The following STK24 variants were observed in gnomAD, a reference collection of about 807,000 sequenced individuals.
STK24 encodes serine/threonine kinase 24, also known as serine/threonine-protein kinase 24.
STK24 carries 21 observed loss-of-function variants against 55.6 expected under a neutral mutation model. The observed-to-expected ratio is 0.38, with a 90% CI of 0.27 to 0.54. STK24 has a LOEUF of 0.54. STK24 is among the 20% of genes least tolerant of loss of function. The probability of loss-of-function intolerance (pLI) is 0.79; values close to 1 mark genes in which losing one functional copy is unlikely to be tolerated. For missense variants in STK24, 383 were observed against 538.4 expected (o/e 0.71, Z 2.86); for synonymous variants, 200 against 215.2 (o/e 0.93, Z 0.62).
In STK24 at chr13:98,445,967, C is replaced by A. The variant is rs546085691; in HGVS notation, c.*7206G>T. 3 of 618,216 alleles carry A rather than the reference C, an allele frequency of 4.9e-6. No individual in the cohort carries two copies. The highest frequency in any genetic ancestry group is 5.6e-5 in the East Asian group (2 of 35,668). 38.3% of individuals were successfully genotyped at this position (618,216 alleles called of 1,614,324 possible). A position where few individuals can be genotyped will look rare whatever the true frequency, so the allele number is the denominator to read the frequency against. ...CCAAGTCTCCCCACACACGGGGGAGCGGGGGTGGGGCCCACATCCTTCAGT... is the reference window on the plus strand; with the variant it reads ...CCAAGTCTCCCCACACACGGGGGAGAGGGGGTGGGGCCCACATCCTTCAGT... On this transcript the variant is annotated 3_prime_UTR_variant, in exon 11 of 11. Coordinates refer to ENST00000539966, the MANE Select transcript of STK24 (RefSeq NM_001032296.4).
chr13:98,482,414 G>C, intron 2 of STK24, 93 bp from the exon 3 acceptor site: 3 of 682,970 alleles, frequency 4.4e-6, no homozygotes, highest in South Asian at 3.9e-5. Context: ...AATTATATTG[G>C]AACTAGAAAG....
chr13:98,495,114 G>A (rs116808242), intron 2 of STK24, among the ~76,000 whole-genome samples: 174 of 152,356 alleles, frequency 1.1e-3, no homozygotes, highest in African/African-American at 4.0e-3. Flanking sequence ...CAAGATTCAA[G>A]AAAGGGGCCT....
chr13:98,465,877 G>A (rs1174647909), intron 6 of STK24, among the ~76,000 whole-genome samples: 1 of 152,188 alleles, frequency 6.6e-6, no homozygotes, highest in African/African-American at 2.4e-5. Context: ...CTCTGCCAGA[G>A]TCTATTAAAC....
intron 5 of STK24, among the ~76,000 whole-genome samples, chr13:98,474,261 A>G (rs752969518): frequency 2.0e-5 from 3 of 152,238 alleles, no homozygotes; most frequent in Non-Finnish European, 4.4e-5. Context: ...GTTTCATCAC[A>G]TGTTGACAAG....
At chr13:98,476,783 T>A (rs1330671408) in intron 3 of STK24, among the ~76,000 whole-genome samples, 1 of 151,662 alleles carries the variant, frequency 6.6e-6, no homozygotes, top group Non-Finnish European at 1.5e-5. Context: ...AGGCCTGCCC[T>A]GGTCTACACA....
intron 1 of STK24, among the ~76,000 whole-genome samples, chr13:98,565,934 G>T (rs1161700906): frequency 1.3e-5 from 2 of 152,240 alleles, no homozygotes; most frequent in African/African-American, 4.8e-5. Context: ...CACAGACAGC[G>T]CAGTGCCAGC....
intron 6 of STK24, 106 bp downstream of exon 6, chr13:98,466,270 C>T: frequency 9.0e-7 from 1 of 1,115,452 alleles, no homozygotes; most frequent in Non-Finnish European, 1.2e-6. Context: ...ATGAATAATA[C>T]CAGGAAGACA....
chr13:98,461,068 G>C (rs1467912165), intron 8 of STK24, among the ~76,000 whole-genome samples: 1 of 151,366 alleles, frequency 6.6e-6, no homozygotes, highest in East Asian at 1.9e-4. Flanking sequence ...GAGAGAGAGA[G>C]AGAGAGAGAA....
At chr13:98,567,336 GACC>G (rs60845778) in intron 1 of STK24, among the ~76,000 whole-genome samples, 37,641 of 151,996 alleles carry the variant, frequency 0.25, 5,765 homozygotes, top group East Asian at 0.41. Context: ...GTCCTGCACC[GACC>G]ACCACGGAAC....
At chr13:98,530,104 TACACACACACACGCAC>T (rs1193169055) in intron 1 of STK24, among the ~76,000 whole-genome samples, 3 of 45,732 alleles carry the variant, frequency 6.6e-5, no homozygotes, top group Non-Finnish European at 1.6e-4. Flanking sequence ...CACACAGATA[TACACACACACACGCAC>T]ACACACACAC....
intron 9 of STK24, among the ~76,000 whole-genome samples, chr13:98,460,136 G>A (rs958503135): frequency 6.6e-6 from 1 of 152,210 alleles, no homozygotes. Context: ...GTCTCGGGCT[G>A]GGTCACTGTC....
intron 10 of STK24, chr13:98,456,458 C>A: frequency 2.0e-6 from 1 of 502,518 alleles, no homozygotes. Flanking sequence ...ACAAATCACC[C>A]TCAGGTCACA....
In STK24 at chr13:98,446,917, T is replaced by G; in HGVS notation, c.*6256A>C. ...GTCAGCGAGTGAGATGGCCCCACCC[T>G]TCCCTGCCAACTAAGCGTTTAGACC... is the stretch of plus-strand genomic sequence containing the variant. On this transcript the variant is annotated 3_prime_UTR_variant, in exon 11 of 11. Coordinates refer to ENST00000539966, the MANE Select transcript of STK24 (RefSeq NM_001032296.4). 1.6e-6 allele frequency: 2 copies of G among 1,272,584 alleles called. No homozygotes were observed. The highest frequency in any genetic ancestry group is 2.4e-5 in the East Asian group (1 of 42,410). The allele number at this position is 1,272,584 out of a possible 1,614,324, so 78.8% of individuals were successfully genotyped here.
rs759798927 is a variant in STK24 at position 98,457,153 on chromosome 13, G to T, written c.1259+15C>A. On this transcript the variant is annotated intron_variant, in intron 10 of 10. Coordinates refer to ENST00000539966, the MANE Select transcript of STK24 (RefSeq NM_001032296.4). Reference sequence around the variant, plus strand: ...GTCTCTCCTTCCCCAGCCCAGAGGGGCCCTGGGTAGTTACCTCTGGAGCCG... The same window carrying T: ...GTCTCTCCTTCCCCAGCCCAGAGGGTCCCTGGGTAGTTACCTCTGGAGCCG... 1.2e-6 allele frequency: 2 copies of T among 1,608,082 alleles called. No homozygotes were observed. Among genetic ancestry groups the T allele is most frequent in the Non-Finnish European group, 1.7e-6 (2 of 1,178,088 alleles).
intron 2 of STK24, among the ~76,000 whole-genome samples, chr13:98,495,550 A>G (rs996660705): frequency 1.8e-4 from 28 of 152,350 alleles, no homozygotes; most frequent in Non-Finnish European, 4.0e-4. Flanking sequence ...GAAGTAAAAT[A>G]TTTAGCCTAA....
chr13:98,483,308 T>G (rs1411839260), intron 2 of STK24, among the ~76,000 whole-genome samples: 1 of 151,684 alleles, frequency 6.6e-6, no homozygotes. Flanking sequence ...ACCGCCAGAG[T>G]TTGGGTTCAC....
intron 5 of STK24, among the ~76,000 whole-genome samples, chr13:98,472,472 C>G (rs1050209033): frequency 2.2e-4 from 33 of 152,224 alleles, no homozygotes; most frequent in African/African-American, 7.7e-4. Context: ...AAGATCTTCA[C>G]ATGGCCCTGT....
chr13:98,454,029 G>C (rs993529520), intron 10 of STK24: 16 of 152,052 alleles, frequency 1.1e-4, no homozygotes, highest in African/African-American at 3.9e-4. Context: ...TTTCAGATTG[G>C]GGATTTGGGA....
rs150242539 is a variant in STK24, at chr13:98,575,692, T to C, written c.42+1053A>G. On this transcript the variant is annotated intron_variant, in intron 1 of 10. Transcript: ENST00000539966. ...CCTGTAAATCAACCAGTAATCTACTTGGATGCTTTTGGTTTTCTTCAAACA... is the reference window on the plus strand; with the variant it reads ...CCTGTAAATCAACCAGTAATCTACTCGGATGCTTTTGGTTTTCTTCAAACA... Among the ~76,000 whole-genome samples the C allele has an allele frequency of 2.0e-3, 303 of 152,252 alleles. 2 individuals are homozygous for C. Among genetic ancestry groups the C allele is most frequent in the African/African-American group, 6.4e-3 (266 of 41,548 alleles).
Sources: allele counts gnomAD v4.1 joint callset (sites outside exome capture counted in the v4.1 genomes callset), GRCh38; gene constraint gnomAD v4.1.1; transcripts MANE v1.5; gene names NCBI Gene and HGNC (gene_info 2026-07-23, HGNC 2026-07-21).